ANKRD18B: variants seen among roughly 807,000 people sequenced by gnomAD.
ANKRD18B encodes the protein ankyrin repeat domain 18B.
Under a neutral mutation model 111.8 loss-of-function variants are expected in ANKRD18B, and 75 were observed. The ratio of observed to expected loss-of-function variants is 0.67; its 90% CI spans 0.56 to 0.81. The LOEUF (loss-of-function observed/expected upper bound fraction) is 0.81, where lower values mean the gene tolerates loss of function less well. Ranked by LOEUF, ANKRD18B falls within the 40% of genes least tolerant of loss-of-function variation. The pLI is 0.00. For missense variants in ANKRD18B, 1,038 were observed against 1,225.5 expected (o/e 0.85, Z 2.28); for synonymous variants, 356 against 417.3 (o/e 0.85, Z 1.79).
chr9:33,547,939 A>G lies in ANKRD18B; in HGVS notation c.1151A>G (p.Asp384Gly). 7.0e-7 allele frequency: 1 copy of G among 1,419,602 alleles called. No homozygotes were observed. The highest frequency in any genetic ancestry group is 1.7e-5 in the South Asian group (1 of 58,520). The allele number at this position is 1,419,602 out of a possible 1,614,324, so 87.9% of individuals were successfully genotyped here. The change falls in exon 11 of 19, where the codon GAT becomes GGT. Residue 384 changes from aspartate (D) to glycine (G), a missense_variant and splice_region_variant. Physicochemically the swap from Asp to Gly is moderately conservative, Grantham distance 94 (BLOSUM62 -1). Coordinates refer to ENST00000684830, the MANE Select transcript of ANKRD18B (RefSeq NM_001393611.1). Reference protein sequence around the residue: ...LERSENKQPQDSQSYGKKKDE... With the variant: ...LERSENKQPQGSQSYGKKKDE... ...AAAAATTTGTTTTGTTTTATTTAGG[A>G]TTCTCAAAGTTATGGAAAAAAGAAG...
At chr9:33,529,203 T>A (rs1216410759) in intron 3 of ANKRD18B, 30 bp downstream of exon 3, 1 of 1,571,398 alleles carries the variant, frequency 6.4e-7, no homozygotes, top group Non-Finnish European at 8.6e-7. Context: ...CTTTTCAAAA[T>A]GTTTGTTTTA....
chr9:33,563,152 T>C (rs1357552682), intron 14 of ANKRD18B, among the ~76,000 whole-genome samples: 2 of 152,222 alleles, frequency 1.3e-5, no homozygotes, highest in African/African-American at 2.4e-5. Context: ...AATCTCAACA[T>C]TTATTAGATC....
chr9:33,536,175 TCAGTAA>T (rs146802554), intron 5 of ANKRD18B, among the ~76,000 whole-genome samples: 13,733 of 152,068 alleles, frequency 0.09, 624 homozygotes, highest in South Asian at 0.1. Flanking sequence ...ATTGATGAGC[TCAGTAA>T]CAGGGGACAA....
chr9:33,550,504 A>C lies in ANKRD18B; in HGVS notation c.2142A>C (p.Glu714Asp), dbSNP rs1163719922. 1.9e-6 allele frequency: 3 copies of C among 1,548,848 alleles called. No homozygotes were observed. The highest frequency in any genetic ancestry group is 2.0e-5 in the Admixed American group (1 of 50,778). The change falls in exon 12 of 19, where the codon GAA becomes GAC. Residue 714 changes from glutamate to aspartate, a missense_variant. Around this residue, in one of 4 missense-constraint regions of ANKRD18B, gnomAD observed 524 missense variants for 677.9 expected, o/e 0.77. Transcript: ENST00000684830. ...TTTCAATGTCAGAGTCTCCACTGGAAGGTACATCACATTGTCATATTAATT... is the reference window on the plus strand; with the variant it reads ...TTTCAATGTCAGAGTCTCCACTGGACGGTACATCACATTGTCATATTAATT... ...KKFSMSESPLEGTSHCHINLD... is the reference protein window; with the variant it reads ...KKFSMSESPLDGTSHCHINLD...
At chr9:33,557,890 GATT>G (rs1328510427) in intron 13 of ANKRD18B, among the ~76,000 whole-genome samples, 165 bp from the exon 14 acceptor site, 1 of 151,770 alleles carries the variant, frequency 6.6e-6, no homozygotes, top group Non-Finnish European at 1.5e-5. Context: ...ATTTATATAA[GATT>G]ATAATTTCAT....
At position 33,548,433 on chromosome 9, in the gene ANKRD18B, A is replaced by G. The variant is rs1189835963; in HGVS notation, c.1645A>G (p.Lys549Glu). The G allele has an allele frequency of 6.4e-7, 1 of 1,551,142 alleles. No homozygotes were observed. Among genetic ancestry groups the G allele is most frequent in the African/African-American group, 1.4e-5 (1 of 73,010 alleles). Residue 549 changes from lysine (K) to glutamate (E), a missense_variant, in exon 11 of 19, where the codon AAA (lysine) becomes GAA (glutamate). By Grantham distance (56) the Lys-to-Glu change is moderately conservative. This residue lies in a region of ANKRD18B where 524 missense variants were observed against 677.9 expected (regional missense o/e 0.77). Transcript: ENST00000684830. ...KNELLTEQVHKARVKFNTLKG... is the reference protein window; with the variant it reads ...KNELLTEQVHEARVKFNTLKG... ...TGAGTTGCTTACTGAACAGGTCCAT[A>G]AAGCTCGGGTGAAGTTCAATACCTT...
rs1335766276 is a variant in ANKRD18B, at chr9:33,545,787, T to A, written c.1150-2151T>A. Among the ~76,000 whole-genome samples the A allele has an allele frequency of 2.0e-5, 3 of 152,336 alleles. No homozygotes were observed. The South Asian group carries it at 6.2e-4, about 32-fold the overall frequency. On this transcript the variant is annotated intron_variant, in intron 10 of 18. Transcript: ENST00000684830. ...ACTTTGAAGAAAAAAAGTTCAACTA[T>A]AAAAGAGGTTCCCTTGCTGCTTCTC... is the stretch of plus-strand genomic sequence containing the variant.
intron 9 of ANKRD18B, 139 bp from the exon 10 acceptor site, chr9:33,543,046 T>C (rs1484428499): frequency 2.3e-6 from 2 of 869,082 alleles, no homozygotes; most frequent in African/African-American, 1.7e-5. Flanking sequence ...CTTAAAAATG[T>C]AAATATTCCA....
At chr9:33,549,331 C>G (rs1828414408) in intron 11 of ANKRD18B, among the ~76,000 whole-genome samples, 1 of 152,096 alleles carries the variant, frequency 6.6e-6, no homozygotes, top group Admixed American at 6.6e-5. Context: ...GTAGAGCTGA[C>G]AGTTGCTTTC....
intron 12 of ANKRD18B, among the ~76,000 whole-genome samples, chr9:33,555,426 C>A (rs1828507660): frequency 6.6e-6 from 1 of 152,196 alleles, no homozygotes; most frequent in Non-Finnish European, 1.5e-5. Flanking sequence ...CTTAATTCAT[C>A]TTACTAACCC....
chr9:33,547,036 G>A (rs1157613353), intron 10 of ANKRD18B, among the ~76,000 whole-genome samples: 1 of 152,122 alleles, frequency 6.6e-6, no homozygotes, highest in Admixed American at 6.6e-5. Flanking sequence ...AAGGAGAAAA[G>A]GCAGTGGGGA....
chr9:33,573,464 C>T (rs753210566), downstream of ANKRD18B, among the ~76,000 whole-genome samples: 2 of 144,994 alleles, frequency 1.4e-5, no homozygotes, highest in Non-Finnish European at 3.1e-5. Context: ...TCTTGTCTGC[C>T]AAATGTCCCT....
intron 1 of ANKRD18B, among the ~76,000 whole-genome samples, chr9:33,525,358 A>G (rs1221768387): frequency 6.6e-6 from 1 of 152,222 alleles, no homozygotes; most frequent in East Asian, 1.9e-4. Flanking sequence ...AATAAATGGA[A>G]CAGAATAGGA....
rs1213196905 is a variant in ANKRD18B, at chr9:33,548,280, G to A, written c.1492G>A (p.Ala498Thr). The A allele has an allele frequency of 6.4e-7, 1 of 1,550,996 alleles. No homozygotes were observed. Among genetic ancestry groups the A allele is most frequent in the African/African-American group, 1.4e-5 (1 of 72,988 alleles). Residue 498 changes from alanine (A) to threonine (T), a missense_variant, in exon 11 of 19, where the codon GCC (alanine) becomes ACC (threonine). Ala to Thr is a moderately conservative substitution (Grantham distance 58, BLOSUM62 0). Transcript: ENST00000684830. ...AEVESLHSNLATAINEYNEIL... is the reference protein window; with the variant it reads ...AEVESLHSNLTTAINEYNEIL... ...AGTTGAATCCCTCCATTCTAACTTG[G>A]CCACTGCTATAAATGAGTACAATGA...
In ANKRD18B at chr9:33,544,794, G is replaced by A. The variant is rs182593033; in HGVS notation, c.1149+1539G>A. 3.9e-3 allele frequency among the ~76,000 whole-genome samples: 587 copies of A among 152,250 alleles called. 1 individual carries two copies. Among genetic ancestry groups the A allele is most frequent in the Non-Finnish European group, 3.9e-3 (267 of 68,018 alleles). On this transcript the variant is annotated intron_variant, in intron 10 of 18. Transcript: ENST00000684830. ...AGAGGTTGTGTTGAGCCAAGATCAT[G>A]CCATTGCACTCCAGCCTGGGCAACA...
At chr9:33,552,798 T>C (rs1020829301) in intron 12 of ANKRD18B, among the ~76,000 whole-genome samples, 2 of 151,330 alleles carry the variant, frequency 1.3e-5, no homozygotes, top group South Asian at 2.1e-4. Flanking sequence ...TAGCTCACTA[T>C]GTACATGTAC....
chr9:33,550,776 C>T (rs947823515), intron 12 of ANKRD18B, among the ~76,000 whole-genome samples, 197 bp downstream of exon 12: 2 of 152,096 alleles, frequency 1.3e-5, no homozygotes, highest in African/African-American at 4.8e-5. Flanking sequence ...ATAATAATTG[C>T]ATATGTTTTC....
rs140574051 is a variant in ANKRD18B at position 33,568,913 on chromosome 9, C to G, written c.3177+20C>G. ...ACTGAGGTTAGTTATATGACCATTT[C>G]TCTTTTGGGTTTCATTTCTCTAATA... is the stretch of plus-strand genomic sequence containing the variant. On this transcript the variant is annotated intron_variant, in intron 17 of 18. Coordinates refer to ENST00000684830, the MANE Select transcript of ANKRD18B (RefSeq NM_001393611.1). The G allele has an allele frequency of 4.4e-4, 664 of 1,507,882 alleles. No individual in the cohort carries two copies. The highest frequency in any genetic ancestry group is 5.5e-4 in the Non-Finnish European group (618 of 1,127,140). 93.4% of individuals were successfully genotyped at this position (1,507,882 alleles called of 1,614,324 possible).
At chr9:33,566,529 C>T in intron 15 of ANKRD18B, 29 bp downstream of exon 15, 2 of 1,587,688 alleles carry the variant, frequency 1.3e-6, no homozygotes, top group Non-Finnish European at 1.7e-6. Context: ...GTAAGTTTAT[C>T]TGTAATGGGC....
Sources: allele counts gnomAD v4.1 joint callset (sites outside exome capture counted in the v4.1 genomes callset), GRCh38; gene constraint gnomAD v4.1.1; regional missense constraint gnomAD v4.1.1; transcripts MANE v1.5; gene names NCBI Gene and HGNC (gene_info 2026-07-23, HGNC 2026-07-21).